Variants in ZC3H13 observed in about 807,000 individuals in gnomAD.
The protein encoded by ZC3H13 is zinc finger CCCH domain-containing protein 13.
Under a neutral mutation model 204.1 loss-of-function variants are expected in ZC3H13, and 64 were observed. The ratio of observed to expected loss-of-function variants is 0.31; its 90% CI spans 0.26 to 0.39. The LOEUF is 0.39. Among genes scored for constraint, ZC3H13 ranks in the 10% least tolerant of loss-of-function variants. The probability of loss-of-function intolerance (pLI) is 1.00; values close to 1 mark genes in which losing one functional copy is unlikely to be tolerated. For missense variants in ZC3H13, 1,833 were observed against 2,082.7 expected, an observed-to-expected ratio of 0.88 and a Z score of 2.33; for synonymous variants, 667 against 693.7, an observed-to-expected ratio of 0.96 and a Z score of 0.60.
chr13:45,957,145 C>T lies in ZC3H13; in HGVS notation c.4992G>A (p.Gln1664=). The change falls in exon 19 of 19, where the codon CAG becomes CAA. Residue 1664 remains glutamine, a synonymous_variant. Transcript: ENST00000679008. ...TTCGGTCTTAAGACACACACAGTTC[C>T]TGTTGGATACTGGACTGTGAAAGTT... ...DNKLSQSSIQ[Q]ELCVS is the part of the protein sequence containing the mutation. The T allele has an allele frequency of 6.5e-7, 1 of 1,537,952 alleles. No homozygotes were observed. Among genetic ancestry groups the T allele is most frequent in the Non-Finnish European group, 8.8e-7 (1 of 1,140,066 alleles).
chr13:45,985,851 T>C, intron 9 of ZC3H13, 90 bp from the exon 10 acceptor site: 1 of 1,193,404 alleles, frequency 8.4e-7, no homozygotes, highest in East Asian at 2.5e-5. Flanking sequence ...TTTAAAAATT[T>C]TATTATAATG....
At chr13:45,980,799 C>G (rs974674986) in intron 10 of ZC3H13, among the ~76,000 whole-genome samples, 9 of 152,128 alleles carry the variant, frequency 5.9e-5, no homozygotes, top group African/African-American at 2.2e-4. Context: ...AAAAAGGAAT[C>G]TTAGGATGTT....
At position 45,965,412 on chromosome 13, in the gene ZC3H13, A is replaced by T. The variant is rs768174742; in HGVS notation, c.4342T>A (p.Leu1448Ile). 3 of 1,613,238 alleles carry T rather than the reference A, an allele frequency of 1.9e-6. No individual in the cohort carries two copies. The highest frequency in any genetic ancestry group is 3.3e-5 in the Admixed American group (2 of 59,900). Residue 1448 changes from leucine to isoleucine, a missense_variant, in exon 16 of 19, where the codon TTA becomes ATA. Around this residue, in one of 5 missense-constraint regions of ZC3H13, gnomAD observed 1,574 missense variants for 1,757.2 expected, o/e 0.90. Transcript: ENST00000679008. ...SLEAGDDESK[L>I]DDAHSLGSGA... ...GAGCCTAATGAATGTGCATCATCTAACTTGGACTCGTCATCTCCTGCTAAA... is the reference window on the plus strand; with the variant it reads ...GAGCCTAATGAATGTGCATCATCTATCTTGGACTCGTCATCTCCTGCTAAA...
intron 8 of ZC3H13, among the ~76,000 whole-genome samples, chr13:46,000,648 C>T (rs1199665860): frequency 6.6e-6 from 1 of 152,214 alleles, no homozygotes. Flanking sequence ...TTGTCCGCAT[C>T]AGCAATATGG....
At chr13:45,993,709 T>C (rs1044360388) in intron 8 of ZC3H13, among the ~76,000 whole-genome samples, 1 of 152,216 alleles carries the variant, frequency 6.6e-6, no homozygotes, top group Non-Finnish European at 1.5e-5. Context: ...TTCTGTGTGA[T>C]TTGTTTTACA....
chr13:45,970,348 CAG>C lies in ZC3H13; in HGVS notation c.2572+12_2572+13del. On this transcript the variant is annotated intron_variant, in intron 13 of 18. Coordinates refer to ENST00000679008, the MANE Select transcript of ZC3H13 (RefSeq NM_001330564.2). ...AATATGAATATAGAGAGACAGAAAA[CAG>C]AGTCTGCTTACTTTTATCATCTCCA... is the stretch of plus-strand genomic sequence containing the variant. 1 of 1,611,706 alleles carries C rather than the reference CAG, an allele frequency of 6.2e-7. No individual in the cohort carries two copies.
intron 15 of ZC3H13, among the ~76,000 whole-genome samples, chr13:45,965,814 AT>A (rs1952031681): frequency 6.6e-6 from 1 of 152,180 alleles, no homozygotes; most frequent in African/African-American, 2.4e-5. Flanking sequence ...ATATTTTCAA[AT>A]TTTCACAATT....
At chr13:45,978,492 C>T (rs947193328) in intron 11 of ZC3H13, among the ~76,000 whole-genome samples, 2 of 152,018 alleles carry the variant, frequency 1.3e-5, no homozygotes, top group African/African-American at 4.8e-5. Context: ...ATATTGTAAT[C>T]TTACTACTCT....
At position 45,979,385 on chromosome 13, in the gene ZC3H13, GT is replaced by G. The variant is rs564846609; in HGVS notation, c.1912+427del. Among the ~76,000 whole-genome samples, 1,145 of 151,412 alleles carry G rather than the reference GT, an allele frequency of 7.6e-3. 14 individuals carry two copies. The highest frequency in any genetic ancestry group is 0.027 in the African/African-American group (1,104 of 41,316). On this transcript the variant is annotated intron_variant, in intron 11 of 18. Transcript: ENST00000679008. ...AAACAATCCCCAGCCCTATCATTCA[GT>G]TTTTTTTTACTGTTCCTTTCTGGAA...
chr13:45,989,487 G>C (rs947025285), intron 8 of ZC3H13, among the ~76,000 whole-genome samples: 2 of 152,220 alleles, frequency 1.3e-5, no homozygotes, highest in African/African-American at 4.8e-5. Flanking sequence ...GATCTAGAGA[G>C]AAAGTGGCTT....
At chr13:46,045,659 T>C (rs1159008757) in intron 1 of ZC3H13, 143 bp from the exon 2 acceptor site, 4 of 648,906 alleles carry the variant, frequency 6.2e-6, no homozygotes, top group African/African-American at 3.6e-5. Context: ...AAAAAAAGCA[T>C]AGGAGAGGTC....
At chr13:46,013,660 A>G (rs2041724805) in intron 5 of ZC3H13, among the ~76,000 whole-genome samples, 2 of 152,222 alleles carry the variant, frequency 1.3e-5, no homozygotes, top group South Asian at 4.1e-4. Context: ...TTCAAAAACA[A>G]GAGTCTGAAG....
intron 3 of ZC3H13, among the ~76,000 whole-genome samples, chr13:46,043,915 C>T (rs770155196): frequency 6.6e-6 from 1 of 151,610 alleles, no homozygotes; most frequent in African/African-American, 2.4e-5. Context: ...TTAAAAGTAT[C>T]GAAATAGTTT....
intron 10 of ZC3H13, among the ~76,000 whole-genome samples, chr13:45,983,832 A>G (rs1416741790): frequency 3.3e-5 from 5 of 152,208 alleles, no homozygotes; most frequent in Non-Finnish European, 7.3e-5. Context: ...TCCTAGGAAC[A>G]TCTGTTAAGA....
chr13:46,048,324 T>C (rs1444996825), intron 1 of ZC3H13, among the ~76,000 whole-genome samples: 1 of 152,140 alleles, frequency 6.6e-6, no homozygotes, highest in Non-Finnish European at 1.5e-5. Context: ...ACGCCTGTAA[T>C]CCCAGCACTT....
chr13:46,038,884 T>C (rs1309471110), intron 4 of ZC3H13, among the ~76,000 whole-genome samples: 2 of 152,158 alleles, frequency 1.3e-5, no homozygotes, highest in African/African-American at 2.4e-5. Flanking sequence ...TAGCCAGGCG[T>C]GGTGGCACGC....
chr13:46,039,698 A>G (rs2043443451), intron 4 of ZC3H13, among the ~76,000 whole-genome samples: 3 of 152,236 alleles, frequency 2.0e-5, no homozygotes, highest in Admixed American at 2.0e-4. Context: ...GAACAAATAA[A>G]CTGTATTAAA....
intron 9 of ZC3H13, among the ~76,000 whole-genome samples, chr13:45,987,712 C>T (rs2039647257): frequency 6.6e-6 from 1 of 152,182 alleles, no homozygotes; most frequent in South Asian, 2.1e-4. Flanking sequence ...CCGTACTCCA[C>T]TCACCAAGAG....
chr13:46,028,908 T>C (rs766987470), intron 4 of ZC3H13, among the ~76,000 whole-genome samples: 1 of 151,368 alleles, frequency 6.6e-6, no homozygotes, highest in Non-Finnish European at 1.5e-5. Flanking sequence ...AAAGAACAAA[T>C]TAAACCCAAA....
Sources: gnomAD v4.1 joint callset for allele counts (sites outside exome capture counted in the v4.1 genomes callset) on GRCh38, gnomAD v4.1.1 for gene constraint, gnomAD v4.1.1 regional missense constraint, MANE v1.5 for transcripts, NCBI Gene and HGNC (gene_info 2026-07-23, HGNC 2026-07-21) for gene names.